Variants in MAML2 observed in about 807,000 individuals in gnomAD.
MAML2 encodes mastermind-like protein 2.
A neutral mutation model predicts 96.1 loss-of-function variants in MAML2; 22 were observed. The ratio of observed to expected loss-of-function variants is 0.23; its 90% confidence interval spans 0.16 to 0.33. The LOEUF (loss-of-function observed/expected upper bound fraction) is 0.33. Ranked by LOEUF, MAML2 falls within the 10% of genes least tolerant of loss-of-function variation. MAML2 has a pLI of 1.00. For missense variants in MAML2, 1,367 were observed against 1,392.4 expected, an observed-to-expected ratio of 0.98 and a Z score of 0.29; for synonymous variants, 561 against 521.3, an observed-to-expected ratio of 1.08 and a Z score of -1.04.
intron 2 of MAML2, among the ~76,000 whole-genome samples, chr11:96,028,137 T>C (rs1858553210): frequency 6.6e-6 from 1 of 152,222 alleles, no homozygotes; most frequent in Non-Finnish European, 1.5e-5. Context: ...AGGGATGCTA[T>C]CCCACAGATT....
chr11:96,330,707 G>A lies in MAML2; in HGVS notation c.513+10676C>T, dbSNP rs564710988. Among the ~76,000 whole-genome samples the A allele has an allele frequency of 3.9e-5, 6 of 152,274 alleles. No homozygotes were observed. In the East Asian group the frequency reaches 5.8e-4, roughly 15 times the overall value. ...TGGGCAGTTGGTGCTGATTAGAGTCGGGGCACCTTGGTTCTCTGCATGCTC... is the reference window on the plus strand; with the variant it reads ...TGGGCAGTTGGTGCTGATTAGAGTCAGGGCACCTTGGTTCTCTGCATGCTC... On this transcript the variant is annotated intron_variant, in intron 1 of 4. Coordinates refer to ENST00000524717, the MANE Select transcript of MAML2 (RefSeq NM_032427.4).
At chr11:96,307,091 C>T (rs908306805) in intron 1 of MAML2, among the ~76,000 whole-genome samples, 5 of 152,282 alleles carry the variant, frequency 3.3e-5, no homozygotes, top group South Asian at 2.1e-4. Context: ...TTTGGCACCT[C>T]GCCCAACAAA....
At chr11:96,103,290 T>A (rs917713998) in intron 1 of MAML2, among the ~76,000 whole-genome samples, 4 of 152,192 alleles carry the variant, frequency 2.6e-5, no homozygotes, top group African/African-American at 9.7e-5. Flanking sequence ...AATGACTGCC[T>A]GACAATGTGA....
intron 1 of MAML2, among the ~76,000 whole-genome samples, chr11:96,144,511 A>G (rs1860786118): frequency 1.3e-5 from 2 of 152,120 alleles, no homozygotes; most frequent in Non-Finnish European, 2.9e-5. Flanking sequence ...TAGGGCCCTC[A>G]ATCCCTATAT....
rs1859752011 is a variant in MAML2 at position 96,092,885 on chromosome 11, C to T, written c.1146G>A (p.Leu382=). The T allele has an allele frequency of 1.2e-6, 2 of 1,605,350 alleles. No homozygotes were observed. Among genetic ancestry groups the T allele is most frequent in the East Asian group, 4.5e-5 (2 of 44,750 alleles). The stretch of plus-strand genomic sequence containing the variant: ...ATGCGGGGCCAGCTGATGGGGGCCT[C>T]AGCTGAGGAGAGCCTGAGGGGCCCT... ...LTQGPSGSPQ[L]RPPSAGPAFS... is the part of the protein sequence containing the mutation. The change falls in exon 2 of 5, where the codon CTG becomes CTA. Residue 382 remains leucine (L), a synonymous_variant. Transcript: ENST00000524717. The surrounding 1 kb of genome is among the most constrained non-coding windows in gnomAD (Gnocchi z 4.1).
chr11:96,114,168 C>A (rs1247431158), intron 1 of MAML2, among the ~76,000 whole-genome samples: 1 of 152,170 alleles, frequency 6.6e-6, no homozygotes, highest in Non-Finnish European at 1.5e-5. Context: ...ATCCTCCTAC[C>A]TTGGCCTCCC....
At chr11:96,098,701 G>T (rs529276721) in intron 1 of MAML2, among the ~76,000 whole-genome samples, 34 of 152,302 alleles carry the variant, frequency 2.2e-4, no homozygotes, top group Non-Finnish European at 4.4e-4. Flanking sequence ...GGTCTCTGCT[G>T]GGGAAAGGCA....
At chr11:96,285,849 A>G (rs1011947186) in intron 1 of MAML2, among the ~76,000 whole-genome samples, 1 of 152,194 alleles carries the variant, frequency 6.6e-6, no homozygotes, top group Non-Finnish European at 1.5e-5. Context: ...GTTGCAAAGA[A>G]AAAGGAATGC....
intron 2 of MAML2, among the ~76,000 whole-genome samples, chr11:96,069,029 C>T (rs925227418): frequency 6.7e-6 from 1 of 148,714 alleles, no homozygotes; most frequent in East Asian, 2.0e-4. Context: ...TTATGTGATC[C>T]TCCTGTCTCA....
At chr11:96,083,850 T>A (rs1859565729) in intron 2 of MAML2, among the ~76,000 whole-genome samples, 2 of 152,052 alleles carry the variant, frequency 1.3e-5, no homozygotes, top group African/African-American at 4.8e-5. Flanking sequence ...CAAAGATATA[T>A]GAGAGGTAAT....
intron 2 of MAML2, among the ~76,000 whole-genome samples, chr11:96,005,919 C>T (rs1001148009): frequency 2.6e-5 from 4 of 151,230 alleles, no homozygotes; most frequent in Admixed American, 2.6e-4. Context: ...TTTTGACATA[C>T]TTTTTCTCAT....
At chr11:96,230,073 C>T (rs764094085) in intron 1 of MAML2, among the ~76,000 whole-genome samples, 3 of 152,040 alleles carry the variant, frequency 2.0e-5, no homozygotes, top group Admixed American at 6.6e-5. Context: ...AAACATTTAA[C>T]GAAACGTGGG....
intron 1 of MAML2, among the ~76,000 whole-genome samples, chr11:96,295,841 CCTT>C (rs985189271): frequency 2.0e-5 from 3 of 151,266 alleles, no homozygotes; most frequent in African/African-American, 7.3e-5. Flanking sequence ...TCATCCACAA[CCTT>C]CTTTTTATAG....
At chr11:96,141,420 C>T (rs1860728371) in intron 1 of MAML2, among the ~76,000 whole-genome samples, 1 of 152,100 alleles carries the variant, frequency 6.6e-6, no homozygotes, top group Admixed American at 6.6e-5. Flanking sequence ...AGTTCTTTAT[C>T]TTTATACTAC....
At chr11:96,227,679 T>C (rs1164067819) in intron 1 of MAML2, among the ~76,000 whole-genome samples, 2 of 152,222 alleles carry the variant, frequency 1.3e-5, no homozygotes, top group African/African-American at 4.8e-5. Flanking sequence ...AGTAGTTTCC[T>C]TATATGGTTG....
At chr11:95,991,790 T>C (rs879868930) in intron 2 of MAML2, 67 bp from the exon 3 acceptor site, 3 of 1,199,162 alleles carry the variant, frequency 2.5e-6, no homozygotes, top group Non-Finnish European at 3.7e-6. Context: ...AGCACAAAGA[T>C]CATACACTCA....
intron 1 of MAML2, among the ~76,000 whole-genome samples, chr11:96,340,763 T>C (rs1863981400): frequency 6.6e-6 from 1 of 152,128 alleles, no homozygotes; most frequent in South Asian, 2.1e-4. Flanking sequence ...CTAGAGGGAA[T>C]CAGAGAGTAG....
intron 1 of MAML2, among the ~76,000 whole-genome samples, chr11:96,133,859 T>C (rs528117441): frequency 2.0e-4 from 30 of 152,278 alleles, no homozygotes; most frequent in African/African-American, 6.7e-4. Flanking sequence ...CTGGGCGTGA[T>C]GGCATGTGCC....
chr11:96,189,693 G>C (rs1425168596), intron 1 of MAML2, among the ~76,000 whole-genome samples: 1 of 152,206 alleles, frequency 6.6e-6, no homozygotes, highest in Non-Finnish European at 1.5e-5. Context: ...TACTTTGTTT[G>C]TTGGGCATTT....
Sources: allele counts gnomAD v4.1 joint callset (sites outside exome capture counted in the v4.1 genomes callset), GRCh38; gene constraint gnomAD v4.1.1; non-coding constraint Gnocchi (gnomAD v3.1); transcripts MANE v1.5; gene names NCBI Gene and HGNC (gene_info 2026-07-23, HGNC 2026-07-21).